ATF6: variants seen among roughly 807,000 people sequenced by gnomAD.
The protein encoded by ATF6 is cyclic AMP-dependent transcription factor ATF-6 alpha.
Under a neutral mutation model 83.6 loss-of-function variants are expected in ATF6, and 53 were observed. The observed-to-expected ratio is 0.63, with a 90% confidence interval of 0.51 to 0.80. ATF6 has a LOEUF of 0.80. ATF6 is among the 30% of genes least tolerant of loss of function. ATF6 has a pLI of 0.00. For synonymous variants in ATF6, 288 were observed against 285.8 expected, an observed-to-expected ratio of 1.01 and a Z score of -0.08; for missense variants, 744 against 797.9, an observed-to-expected ratio of 0.93 and a Z score of 0.81.
At chr1:161,861,291 A>C (rs933859345) in intron 13 of ATF6, among the ~76,000 whole-genome samples, 3 of 152,004 alleles carry the variant, frequency 2.0e-5, no homozygotes, top group Non-Finnish European at 2.9e-5. Flanking sequence ...GGCACTGAGA[A>C]AAAAATATAG....
At chr1:161,851,178 C>T (rs1382894327) in intron 10 of ATF6, among the ~76,000 whole-genome samples, 3 of 139,098 alleles carry the variant, frequency 2.2e-5, no homozygotes, top group African/African-American at 8.0e-5. Context: ...ACACCCCTAC[C>T]TGTTTTACAG....
At chr1:161,894,990 G>A (rs994843073) in intron 14 of ATF6, among the ~76,000 whole-genome samples, 3 of 151,636 alleles carry the variant, frequency 2.0e-5, no homozygotes, top group African/African-American at 7.3e-5. Flanking sequence ...TGTAATCCCA[G>A]CACTTTGGGG....
intron 9 of ATF6, 73 bp downstream of exon 9, chr1:161,821,234 A>G: frequency 9.6e-7 from 1 of 1,041,704 alleles, no homozygotes; most frequent in Admixed American, 2.2e-5. Context: ...AGCTTTTGTC[A>G]TAAACTAGAG....
intron 1 of ATF6, among the ~76,000 whole-genome samples, chr1:161,776,940 A>G (rs922250100): frequency 2.0e-5 from 3 of 152,220 alleles, no homozygotes; most frequent in Non-Finnish European, 4.4e-5. Flanking sequence ...GAGATGAGGA[A>G]GAACCAGCAA....
At chr1:161,939,576 G>C (rs1688604557) in intron 15 of ATF6, among the ~76,000 whole-genome samples, 1 of 152,190 alleles carries the variant, frequency 6.6e-6, no homozygotes, top group African/African-American at 2.4e-5. Flanking sequence ...AGACTGATAG[G>C]ATAGCTTGTT....
At chr1:161,812,366 ATTTTCTTTTT>A (rs1685492235) in intron 7 of ATF6, among the ~76,000 whole-genome samples, 1 of 37,536 alleles carries the variant, frequency 2.7e-5, no homozygotes, top group Non-Finnish European at 5.7e-5. Flanking sequence ...GGGAGCAGGT[ATTTTCTTTTT>A]TTTTTTTTTT....
At chr1:161,767,240 A>G (rs1684285780) in intron 1 of ATF6, among the ~76,000 whole-genome samples, 1 of 152,140 alleles carries the variant, frequency 6.6e-6, no homozygotes, top group African/African-American at 2.4e-5. Context: ...GTGAGCCTAC[A>G]CCACTCATCA....
intron 9 of ATF6, among the ~76,000 whole-genome samples, chr1:161,831,954 AAAAG>A (rs534951500): frequency 7.0e-4 from 106 of 151,218 alleles, no homozygotes; most frequent in South Asian, 5.8e-3. Flanking sequence ...TAAAAAAAAA[AAAAG>A]AAAGAAAAAT....
chr1:161,812,307 GT>G (rs1179849876), intron 7 of ATF6, among the ~76,000 whole-genome samples: 2 of 147,696 alleles, frequency 1.4e-5, no homozygotes, highest in African/African-American at 5.0e-5. Flanking sequence ...GTGTGTGTGT[GT>G]GTGTGTTTTA....
chr1:161,862,053 A>G (rs1465901708), intron 13 of ATF6, among the ~76,000 whole-genome samples: 2 of 152,200 alleles, frequency 1.3e-5, no homozygotes, highest in East Asian at 1.9e-4. Context: ...ATAAGGTTAT[A>G]TATTTATCAC....
intron 9 of ATF6, among the ~76,000 whole-genome samples, chr1:161,835,257 T>C (rs1472442170): frequency 1.3e-5 from 2 of 152,154 alleles, no homozygotes; most frequent in African/African-American, 4.8e-5. Context: ...CATCTTATTA[T>C]GTTGCTCAGG....
Position 161,791,102 on chromosome 1 carries a change from GTCTC to G in ATF6, c.355-304_355-301del, listed in dbSNP as rs71581435. Among the ~76,000 whole-genome samples the G allele has an allele frequency of 3.6e-3, 386 of 107,866 alleles. 4 individuals carry two copies. Among genetic ancestry groups the G allele is most frequent in the African/African-American group, 0.012 (344 of 29,656 alleles). 70.8% of individuals were successfully genotyped at this position (107,866 alleles called of 152,430 possible). A position where few individuals can be genotyped will look rare whatever the true frequency, so the allele number is the denominator to read the frequency against. On this transcript the variant is annotated intron_variant, in intron 4 of 15. Transcript: ENST00000367942. ...TGTGTGTCTCTGTGTGTGTGTGTGT[GTCTC>G]TGTGTGTGTGTGTGTGTGTGTGTGT...
intron 15 of ATF6, among the ~76,000 whole-genome samples, chr1:161,912,942 G>GA (rs958346245): frequency 2.2e-4 from 33 of 150,096 alleles, no homozygotes; most frequent in African/African-American, 7.6e-4. Context: ...TAGTTTAGAA[G>GA]AAAAAAAAAG....
intron 14 of ATF6, among the ~76,000 whole-genome samples, chr1:161,866,693 G>GAATA (rs1240444876): frequency 6.6e-6 from 1 of 152,184 alleles, no homozygotes; most frequent in Non-Finnish European, 1.5e-5. Flanking sequence ...TTTGAGTGTA[G>GAATA]AATAACTGAT....
chr1:161,798,018 C>G (rs761970249), intron 6 of ATF6, among the ~76,000 whole-genome samples: 2 of 152,088 alleles, frequency 1.3e-5, no homozygotes, highest in African/African-American at 2.4e-5. Flanking sequence ...TAAAGCTGCA[C>G]CCCTGCAACC....
intron 9 of ATF6, among the ~76,000 whole-genome samples, chr1:161,822,697 T>G (rs1685796820): frequency 6.6e-6 from 1 of 152,102 alleles, no homozygotes; most frequent in South Asian, 2.1e-4. Context: ...TGTAACAATG[T>G]TAGGTGCCAT....
intron 1 of ATF6, among the ~76,000 whole-genome samples, chr1:161,776,011 A>G (rs950779927): frequency 2.1e-4 from 32 of 152,206 alleles, no homozygotes; most frequent in African/African-American, 7.2e-4. Flanking sequence ...TATATTTTAA[A>G]TGAGTTTATT....
rs574319215 is a variant in ATF6, at chr1:161,817,379, A to G, written c.910-2254A>G. 2.6e-5 allele frequency among the ~76,000 whole-genome samples: 4 copies of G among 152,316 alleles called. No individual in the cohort carries two copies. In the South Asian group the frequency reaches 8.3e-4, roughly 32 times the overall value. On this transcript the variant is annotated intron_variant, in intron 7 of 15. Coordinates refer to ENST00000367942, the MANE Select transcript of ATF6 (RefSeq NM_007348.4). The stretch of plus-strand genomic sequence containing the variant: ...CAGCACTCTAGTATTAATTATGGAC[A>G]CTGGCATTCTAAGTAACATGAAGAA...
At chr1:161,824,030 G>A (rs1357244200) in intron 9 of ATF6, among the ~76,000 whole-genome samples, 2 of 152,178 alleles carry the variant, frequency 1.3e-5, no homozygotes, top group African/African-American at 4.8e-5. Context: ...TTGTGATAGA[G>A]TTTGCCAAAT....
Sources: allele counts gnomAD v4.1 joint callset (sites outside exome capture counted in the v4.1 genomes callset), GRCh38; gene constraint gnomAD v4.1.1; transcripts MANE v1.5; gene names NCBI Gene and HGNC (gene_info 2026-07-23, HGNC 2026-07-21).